Variants in ADAMTSL3 observed in about 807,000 individuals in gnomAD.
The protein encoded by ADAMTSL3 is ADAMTS like 3, also known as ADAMTS-like protein 3.
A neutral mutation model predicts 201.7 loss-of-function variants in ADAMTSL3; 128 were observed. The ratio of observed to expected loss-of-function variants is 0.63; its 90% CI spans 0.55 to 0.73. The LOEUF (loss-of-function observed/expected upper bound fraction) is 0.73, where lower values mean the gene tolerates loss of function less well. Ranked by LOEUF, ADAMTSL3 falls within the 30% of genes least tolerant of loss-of-function variation. The probability of loss-of-function intolerance (pLI) is 0.00; values close to 1 mark genes in which losing one functional copy is unlikely to be tolerated. For synonymous variants in ADAMTSL3, 738 were observed against 748.4 expected, an observed-to-expected ratio of 0.99 and a Z score of 0.23; for missense variants, 1,990 against 2,119.6, an observed-to-expected ratio of 0.94 and a Z score of 1.20.
intron 3 of ADAMTSL3, among the ~76,000 whole-genome samples, chr15:83,742,861 C>G (rs149066962): frequency 6.6e-6 from 1 of 152,284 alleles, no homozygotes; most frequent in East Asian, 1.9e-4. Context: ...AAGTTTCTCA[C>G]TATTACAATT....
chr15:83,764,630 G>A (rs1024442080), intron 3 of ADAMTSL3, among the ~76,000 whole-genome samples: 2 of 152,082 alleles, frequency 1.3e-5, no homozygotes, highest in African/African-American at 4.8e-5. Flanking sequence ...GCCCCTGCCT[G>A]CCCTTGCCCC....
chr15:83,695,092 T>C (rs1423328006), intron 2 of ADAMTSL3, among the ~76,000 whole-genome samples: 2 of 146,788 alleles, frequency 1.4e-5, no homozygotes, highest in East Asian at 4.3e-4. Flanking sequence ...GTGGGGTGTG[T>C]GTGTGGTATG....
intron 17 of ADAMTSL3, among the ~76,000 whole-genome samples, chr15:83,929,602 C>A (rs547058431): frequency 6.6e-6 from 1 of 152,138 alleles, no homozygotes; most frequent in Admixed American, 6.6e-5. Context: ...TGTGGGAAGG[C>A]AATTCAACCT....
intron 19 of ADAMTSL3, among the ~76,000 whole-genome samples, chr15:83,954,230 T>C (rs1205897054): frequency 1.3e-5 from 2 of 152,236 alleles, no homozygotes; most frequent in African/African-American, 4.8e-5. Flanking sequence ...TTATTCTTTT[T>C]TCTTTTGTCT....
chr15:83,693,182 C>T (rs983690127), intron 2 of ADAMTSL3, among the ~76,000 whole-genome samples: 30 of 152,090 alleles, frequency 2.0e-4, no homozygotes, highest in South Asian at 2.1e-4. Context: ...GCAACAAGAA[C>T]GTCATGTCTG....
chr15:83,945,184 A>C (rs1596450998), intron 19 of ADAMTSL3, among the ~76,000 whole-genome samples: 1 of 151,876 alleles, frequency 6.6e-6, no homozygotes. Flanking sequence ...ACCAATACCC[A>C]CTTCCTCTAT....
At chr15:83,712,562 CA>C (rs1026334464) in intron 3 of ADAMTSL3, among the ~76,000 whole-genome samples, 1 of 152,162 alleles carries the variant, frequency 6.6e-6, no homozygotes. Flanking sequence ...GAGCATTCAC[CA>C]AAACCTTTAT....
intron 16 of ADAMTSL3, 140 bp downstream of exon 16, chr15:83,913,518 T>C (rs1333124023): frequency 2.3e-6 from 2 of 887,952 alleles, no homozygotes; most frequent in East Asian, 2.7e-5. Flanking sequence ...AAAATGATAC[T>C]TTTTCTTCTT....
chr15:83,812,725 G>A (rs1276791443), intron 5 of ADAMTSL3, among the ~76,000 whole-genome samples: 1 of 152,154 alleles, frequency 6.6e-6, no homozygotes, highest in South Asian at 2.1e-4. Flanking sequence ...AAGACCATGG[G>A]TTGTTGTCTA....
intron 7 of ADAMTSL3, among the ~76,000 whole-genome samples, chr15:83,856,839 G>T (rs563564014): frequency 1.3e-5 from 2 of 152,162 alleles, no homozygotes; most frequent in Non-Finnish European, 1.5e-5. Context: ...AGGTGGAATT[G>T]CTGGATCATA....
chr15:83,972,114 T>G (rs2067208317), intron 20 of ADAMTSL3, among the ~76,000 whole-genome samples: 2 of 152,050 alleles, frequency 1.3e-5, no homozygotes, highest in Non-Finnish European at 2.9e-5. Flanking sequence ...GCAGATACTA[T>G]CTCCATCTGG....
intron 26 of ADAMTSL3, among the ~76,000 whole-genome samples, chr15:84,022,497 A>T (rs2141915021): frequency 6.6e-6 from 1 of 152,324 alleles, no homozygotes; most frequent in African/African-American, 2.4e-5. Flanking sequence ...TTAAAAAATT[A>T]TTTTTAAATA....
chr15:83,938,786 A>G (rs1045030717), intron 17 of ADAMTSL3, among the ~76,000 whole-genome samples: 1 of 152,124 alleles, frequency 6.6e-6, no homozygotes, highest in Non-Finnish European at 1.5e-5. Context: ...GTGTGTTTAC[A>G]TTGATTTCTG....
intron 22 of ADAMTSL3, among the ~76,000 whole-genome samples, chr15:83,989,182 G>T (rs1326201656): frequency 6.6e-6 from 1 of 152,300 alleles, no homozygotes; most frequent in East Asian, 1.9e-4. Flanking sequence ...GCGCCTGGCT[G>T]TTTATTTGTT....
chr15:83,662,339 C>T (rs1292404050), intron 2 of ADAMTSL3, among the ~76,000 whole-genome samples: 16 of 139,524 alleles, frequency 1.1e-4, no homozygotes, highest in African/African-American at 3.2e-4. Context: ...AACCAAACAC[C>T]GCATATTCTC....
intron 17 of ADAMTSL3, among the ~76,000 whole-genome samples, chr15:83,933,064 T>C (rs764089943): frequency 1.3e-5 from 2 of 152,206 alleles, no homozygotes; most frequent in Non-Finnish European, 2.9e-5. Context: ...TCAAAAATGG[T>C]CAAATATTGG....
At chr15:83,933,481 T>G (rs2066399341) in intron 17 of ADAMTSL3, among the ~76,000 whole-genome samples, 1 of 152,202 alleles carries the variant, frequency 6.6e-6, no homozygotes, top group Non-Finnish European at 1.5e-5. Context: ...GAATTGGAAC[T>G]TATGTTTAAA....
At chr15:83,949,006 T>A (rs1245261844) in intron 19 of ADAMTSL3, among the ~76,000 whole-genome samples, 1 of 152,170 alleles carries the variant, frequency 6.6e-6, no homozygotes, top group Admixed American at 6.6e-5. Flanking sequence ...CTTTGTATAA[T>A]AAACAATCCA....
chr15:83,987,114 A>G (rs1429353553), intron 21 of ADAMTSL3, among the ~76,000 whole-genome samples: 5 of 152,262 alleles, frequency 3.3e-5, no homozygotes, highest in African/African-American at 7.2e-5. Context: ...AAATGATTTA[A>G]TATGTTTATT....
Sources: gnomAD v4.1 joint callset for allele counts (sites outside exome capture counted in the v4.1 genomes callset) on GRCh38, gnomAD v4.1.1 for gene constraint, MANE v1.5 for transcripts, NCBI Gene and HGNC (gene_info 2026-07-23, HGNC 2026-07-21) for gene names.